HSPBAP1: variants seen among roughly 807,000 people sequenced by gnomAD.
HSPBAP1 encodes HSPB1 associated protein 1, also known as HSPB1-associated protein 1.
Under a neutral mutation model 45.2 loss-of-function variants are expected in HSPBAP1, and 27 were observed. That is an observed-to-expected ratio of 0.60 (90% CI 0.44 to 0.82). The LOEUF (loss-of-function observed/expected upper bound fraction) is 0.82. Ranked by LOEUF, HSPBAP1 falls within the 40% of genes least tolerant of loss-of-function variation. The pLI, the probability that HSPBAP1 is intolerant of heterozygous loss-of-function variation, is 0.00. For synonymous variants in HSPBAP1, 204 were observed against 202.7 expected (o/e 1.01, Z -0.06); for missense variants, 510 against 590.9 (o/e 0.86, Z 1.42).
intron 1 of HSPBAP1, among the ~76,000 whole-genome samples, chr3:122,780,282 G>A (rs1576271312): frequency 4.1e-5 from 4 of 97,734 alleles, no homozygotes; most frequent in East Asian, 3.3e-4. Context: ...CCGGGCGGGG[G>A]GCTGACCCCC....
chr3:122,765,291 G>A (rs1346244926), intron 3 of HSPBAP1, among the ~76,000 whole-genome samples: 1 of 152,116 alleles, frequency 6.6e-6, no homozygotes, highest in Non-Finnish European at 1.5e-5. Flanking sequence ...TTTAAAAGTT[G>A]CATTTTTGGC....
intron 6 of HSPBAP1, among the ~76,000 whole-genome samples, chr3:122,742,897 C>A (rs1286149399): frequency 6.6e-6 from 1 of 152,162 alleles, no homozygotes; most frequent in Non-Finnish European, 1.5e-5. Flanking sequence ...TAAATACAGA[C>A]ATTTCTATCT....
intron 5 of HSPBAP1, chr3:122,754,499 T>G: frequency 1.0e-6 from 1 of 977,368 alleles, no homozygotes. Flanking sequence ...GCAGAGTGAC[T>G]AACAGGTCGA....
At chr3:122,757,105 C>T (rs1445239746) in intron 4 of HSPBAP1, among the ~76,000 whole-genome samples, 1 of 151,716 alleles carries the variant, frequency 6.6e-6, no homozygotes, top group Non-Finnish European at 1.5e-5. Context: ...TGATAACCAT[C>T]CCATCCAATC....
At chr3:122,746,788 G>A (rs539240689) in intron 6 of HSPBAP1, among the ~76,000 whole-genome samples, 62 of 152,238 alleles carry the variant, frequency 4.1e-4, no homozygotes, top group African/African-American at 1.3e-3. Context: ...GAGTGCCTGC[G>A]ATTGCAGGCG....
In HSPBAP1 at chr3:122,781,159, C is replaced by G. The variant is rs1275668656; in HGVS notation, c.65-3253G>C. 6.6e-5 allele frequency among the ~76,000 whole-genome samples: 10 copies of G among 151,044 alleles called. 1 individual carries two copies. Among genetic ancestry groups the G allele is most frequent in the South Asian group, 6.3e-4 (3 of 4,760 alleles). ...CTCACTTCCCAGACGGGGTGGCGGCCGGGCAGAGGCTGCAATCTCGGCACT... is the reference window on the plus strand; with the variant it reads ...CTCACTTCCCAGACGGGGTGGCGGCGGGGCAGAGGCTGCAATCTCGGCACT... On this transcript the variant is annotated intron_variant, in intron 1 of 7. Coordinates refer to ENST00000306103, the MANE Select transcript of HSPBAP1 (RefSeq NM_024610.6).
intron 6 of HSPBAP1, among the ~76,000 whole-genome samples, chr3:122,744,903 GA>G (rs1359708808): frequency 6.6e-6 from 1 of 151,984 alleles, no homozygotes; most frequent in Non-Finnish European, 1.5e-5. Context: ...GCAATCAATT[GA>G]TATAATTTAT....
chr3:122,749,087 T>C (rs1357962583), intron 6 of HSPBAP1, among the ~76,000 whole-genome samples: 2 of 151,818 alleles, frequency 1.3e-5, no homozygotes, highest in Non-Finnish European at 2.9e-5. Flanking sequence ...TTATGCACTT[T>C]GTACATATAA....
intron 1 of HSPBAP1, among the ~76,000 whole-genome samples, chr3:122,787,223 C>T (rs771875896): frequency 2.6e-5 from 4 of 152,176 alleles, no homozygotes; most frequent in Non-Finnish European, 4.4e-5. Flanking sequence ...TGAGTTGCAA[C>T]TAATTCTTTG....
In HSPBAP1 at chr3:122,784,265, T is replaced by C. The variant is rs114506628; in HGVS notation, c.65-6359A>G. On this transcript the variant is annotated intron_variant, in intron 1 of 7. Coordinates refer to ENST00000306103, the MANE Select transcript of HSPBAP1 (RefSeq NM_024610.6). ...ATTCTGTTTTTCATGGGATATAAAT[T>C]GGAATCATCCTTTGGGAAACAACTG... 4.6e-3 allele frequency among the ~76,000 whole-genome samples: 707 copies of C among 152,350 alleles called. 4 individuals are homozygous for C. The highest frequency in any genetic ancestry group is 0.016 in the African/African-American group (675 of 41,562).
intron 6 of HSPBAP1, among the ~76,000 whole-genome samples, chr3:122,746,201 T>G (rs924605154): frequency 1.3e-5 from 2 of 151,782 alleles, no homozygotes; most frequent in Admixed American, 1.3e-4. Flanking sequence ...AAAACTGAAC[T>G]TGGATACATG....
chr3:122,741,339 T>A (rs1375481388), intron 6 of HSPBAP1: 1 of 547,356 alleles, frequency 1.8e-6, no homozygotes, highest in East Asian at 3.0e-5. Context: ...ATGTATTCTA[T>A]CTATAAGTCA....
chr3:122,773,094 T>C (rs933809816), intron 2 of HSPBAP1, among the ~76,000 whole-genome samples: 3 of 152,044 alleles, frequency 2.0e-5, no homozygotes, highest in African/African-American at 7.3e-5. Flanking sequence ...CAAGTGATGC[T>C]TCTGTCTAGG....
chr3:122,750,742 C>G (rs1412448581), intron 6 of HSPBAP1, among the ~76,000 whole-genome samples: 1 of 152,110 alleles, frequency 6.6e-6, no homozygotes, highest in Non-Finnish European at 1.5e-5. Context: ...AAAGGGTATC[C>G]TGGGATATCT....
At chr3:122,759,913 T>C (rs1934508881) in intron 3 of HSPBAP1, among the ~76,000 whole-genome samples, 1 of 152,250 alleles carries the variant, frequency 6.6e-6, no homozygotes, top group Admixed American at 6.5e-5. Flanking sequence ...AGACTTCTCC[T>C]ACATTAGTGG....
intron 2 of HSPBAP1, among the ~76,000 whole-genome samples, chr3:122,773,837 C>T (rs989150950): frequency 4.0e-5 from 6 of 149,814 alleles, no homozygotes; most frequent in African/African-American, 9.8e-5. Flanking sequence ...CAGGGTTTTG[C>T]TATGTTGCCC....
chr3:122,785,012 G>A (rs1353389910), intron 1 of HSPBAP1, among the ~76,000 whole-genome samples: 1 of 152,270 alleles, frequency 6.6e-6, no homozygotes, highest in East Asian at 1.9e-4. Context: ...CAGAGGACTG[G>A]AACCAGATTT....
intron 1 of HSPBAP1, among the ~76,000 whole-genome samples, chr3:122,792,072 T>C (rs1051078275): frequency 6.6e-6 from 1 of 152,210 alleles, no homozygotes; most frequent in Non-Finnish European, 1.5e-5. Flanking sequence ...GCAAAGTCAT[T>C]ACCTGAAATT....
chr3:122,746,917 G>A (rs2107498938), intron 6 of HSPBAP1, among the ~76,000 whole-genome samples: 1 of 152,072 alleles, frequency 6.6e-6, no homozygotes, highest in African/African-American at 2.4e-5. Flanking sequence ...GGCCTCCCGA[G>A]GTGCTGGGAT....
Sources: allele counts gnomAD v4.1 joint callset (sites outside exome capture counted in the v4.1 genomes callset), GRCh38; gene constraint gnomAD v4.1.1; transcripts MANE v1.5; gene names NCBI Gene and HGNC (gene_info 2026-07-23, HGNC 2026-07-21).